UGT8: variants seen among roughly 807,000 people sequenced by gnomAD.
UGT8 encodes the protein UDP glycosyltransferase 8, also known as 2-hydroxyacylsphingosine 1-beta-galactosyltransferase.
In UGT8, 12 loss-of-function variants were observed where a neutral mutation model predicts 40.5. The ratio of observed to expected loss-of-function variants is 0.30; its 90% CI spans 0.19 to 0.48. The LOEUF (loss-of-function observed/expected upper bound fraction) is 0.48. UGT8 is among the 20% of genes least tolerant of loss of function. UGT8 has a pLI of 0.99. For missense variants in UGT8, 513 were observed against 648.7 expected, an observed-to-expected ratio of 0.79 and a Z score of 2.27; for synonymous variants, 224 against 240.4, an observed-to-expected ratio of 0.93 and a Z score of 0.63.
At chr4:114,620,719 A>T (rs1412424059) in intron 1 of UGT8, among the ~76,000 whole-genome samples, 2 of 152,208 alleles carry the variant, frequency 1.3e-5, no homozygotes, top group Non-Finnish European at 2.9e-5. Flanking sequence ...GGAAAAAAGC[A>T]TCTGGAAATA....
intron 1 of UGT8, among the ~76,000 whole-genome samples, chr4:114,619,116 T>G (rs1211972207): frequency 5.9e-5 from 9 of 152,130 alleles, no homozygotes; most frequent in African/African-American, 1.9e-4. Context: ...AACATAGGTA[T>G]AATTTTGATT....
chr4:114,663,963 C>T (rs750063547), intron 2 of UGT8, 32 bp from the exon 3 acceptor site: 18 of 1,611,530 alleles, frequency 1.1e-5, no homozygotes, highest in Admixed American at 3.3e-5. Flanking sequence ...CATTGGTCTT[C>T]GTAAAACTTA....
At chr4:114,658,915 G>A (rs185311424) in intron 2 of UGT8, among the ~76,000 whole-genome samples, 2 of 152,188 alleles carry the variant, frequency 1.3e-5, no homozygotes, top group South Asian at 2.1e-4. Context: ...TGCTCCCCGA[G>A]TCTGACTCTG....
intron 5 of UGT8, among the ~76,000 whole-genome samples, chr4:114,674,375 CT>C (rs1735488006): frequency 6.6e-6 from 1 of 152,150 alleles, no homozygotes; most frequent in Non-Finnish European, 1.5e-5. Context: ...TTAATCCACA[CT>C]TTTACCAACT....
chr4:114,656,339 C>A (rs1734186390), intron 2 of UGT8, among the ~76,000 whole-genome samples: 1 of 151,836 alleles, frequency 6.6e-6, no homozygotes, highest in South Asian at 2.1e-4. Flanking sequence ...GCAAGACTGC[C>A]TTTCTTTTGT....
Position 114,662,899 on chromosome 4 carries a change from C to T in UGT8, c.823-1096C>T, listed in dbSNP as rs147938220. ...GGAGTGCAGTGGCACAGTCTTGGCTCATTGCAAGCTCCGCCTCCCAGGTTC... is the reference window on the plus strand; with the variant it reads ...GGAGTGCAGTGGCACAGTCTTGGCTTATTGCAAGCTCCGCCTCCCAGGTTC... On this transcript the variant is annotated intron_variant, in intron 2 of 5. Coordinates refer to ENST00000310836, the MANE Select transcript of UGT8 (RefSeq NM_001128174.3). Among the ~76,000 whole-genome samples the T allele has an allele frequency of 8.1e-3, 1,025 of 127,324 alleles. 14 individuals carry two copies. Among genetic ancestry groups the T allele is most frequent in the African/African-American group, 0.028 (948 of 33,788 alleles). The allele number at this position is 127,324 out of a possible 152,430, so 83.5% of individuals were successfully genotyped here.
chr4:114,650,397 A>G (rs1733830719), intron 2 of UGT8, among the ~76,000 whole-genome samples: 1 of 152,208 alleles, frequency 6.6e-6, no homozygotes, highest in Non-Finnish European at 1.5e-5. Flanking sequence ...TGACTTGAGC[A>G]GTAGGATATA....
intron 2 of UGT8, among the ~76,000 whole-genome samples, chr4:114,626,069 C>T (rs1732197876): frequency 1.3e-5 from 2 of 152,210 alleles, no homozygotes; most frequent in South Asian, 4.1e-4. Context: ...ATTAGATTAT[C>T]ATTGTGAAGG....
chr4:114,605,076 C>T (rs938870509), intron 1 of UGT8, among the ~76,000 whole-genome samples: 6 of 152,196 alleles, frequency 3.9e-5, no homozygotes, highest in African/African-American at 1.4e-4. Flanking sequence ...TCAGCACTCC[C>T]TTACAGAGAT....
Position 114,673,012 on chromosome 4 carries a change from C to T in UGT8, c.1263-2913C>T, listed in dbSNP as rs192941435. Among the ~76,000 whole-genome samples, 6 of 152,232 alleles carry T rather than the reference C, an allele frequency of 3.9e-5. No individual in the cohort carries two copies. In the East Asian group the frequency reaches 5.8e-4, roughly 15 times the overall value. ...ATGGAGAATCGATCATTATTAACTT[C>T]GCACATATCCAACCTGTGGTCAACT... is the stretch of plus-strand genomic sequence containing the variant. On this transcript the variant is annotated intron_variant, in intron 5 of 5. Transcript: ENST00000310836.
chr4:114,625,535 G>C (rs1257411704), intron 2 of UGT8, among the ~76,000 whole-genome samples: 1 of 86,140 alleles, frequency 1.2e-5, no homozygotes, highest in Non-Finnish European at 2.8e-5. Context: ...AAAAAAAAAA[G>C]GAATGTCCTG....
intron 2 of UGT8, among the ~76,000 whole-genome samples, chr4:114,643,431 T>C (rs1733351094): frequency 6.6e-6 from 1 of 152,174 alleles, no homozygotes; most frequent in Non-Finnish European, 1.5e-5. Flanking sequence ...CTTTTCCATT[T>C]GGTACTGATA....
chr4:114,632,444 T>G (rs1560683959), intron 2 of UGT8, among the ~76,000 whole-genome samples: 1 of 152,190 alleles, frequency 6.6e-6, no homozygotes, highest in Non-Finnish European at 1.5e-5. Flanking sequence ...GACCACGTGG[T>G]GGATACTAAC....
chr4:114,611,443 T>TAC lies in UGT8; in HGVS notation c.-2-11435_-2-11434insCA, dbSNP rs1335179484. 3.5e-3 allele frequency among the ~76,000 whole-genome samples: 254 copies of TAC among 72,742 alleles called. 5 individuals carry two copies. The highest frequency in any genetic ancestry group is 0.013 in the African/African-American group (228 of 18,126). 47.7% of individuals were successfully genotyped at this position (72,742 alleles called of 152,430 possible). On this transcript the variant is annotated intron_variant, in intron 1 of 5. Transcript: ENST00000310836. ...ATATATATATATATATATATATATATATACACACACACACAGAGATATTAG... is the reference window on the plus strand; with the variant it reads ...ATATATATATATATATATATATATATACATACACACACACACAGAGATATTAG...
chr4:114,632,680 G>C (rs1732647346), intron 2 of UGT8, among the ~76,000 whole-genome samples: 1 of 152,156 alleles, frequency 6.6e-6, no homozygotes, highest in African/African-American at 2.4e-5. Context: ...AGGTTCTAAG[G>C]AATTTTAAAT....
intron 2 of UGT8, among the ~76,000 whole-genome samples, chr4:114,629,399 C>G (rs1304719723): frequency 2.0e-5 from 3 of 152,102 alleles, no homozygotes; most frequent in Non-Finnish European, 4.4e-5. Flanking sequence ...GGTTGGTACT[C>G]TATACCCTGA....
intron 2 of UGT8, among the ~76,000 whole-genome samples, chr4:114,635,047 A>G (rs532802711): frequency 8.1e-4 from 123 of 151,950 alleles, no homozygotes; most frequent in Non-Finnish European, 9.3e-4. Flanking sequence ...TTTTTAGTAA[A>G]CCATGAACAA....
At chr4:114,630,806 A>G (rs183378367) in intron 2 of UGT8, among the ~76,000 whole-genome samples, 1 of 152,324 alleles carries the variant, frequency 6.6e-6, no homozygotes, top group Admixed American at 6.5e-5. Context: ...GAGTAGCTTC[A>G]TCAGAATGCT....
At chr4:114,655,790 A>T (rs561718849) in intron 2 of UGT8, among the ~76,000 whole-genome samples, 5 of 152,098 alleles carry the variant, frequency 3.3e-5, no homozygotes, top group African/African-American at 9.7e-5. Context: ...TTACACCTCA[A>T]TGAAGTTTTG....
Sources: allele counts gnomAD v4.1 joint callset (sites outside exome capture counted in the v4.1 genomes callset), GRCh38; gene constraint gnomAD v4.1.1; transcripts MANE v1.5; gene names NCBI Gene and HGNC (gene_info 2026-07-23, HGNC 2026-07-21).